The following SLC35F1 variants were observed in gnomAD, a reference collection of about 807,000 sequenced individuals.
The protein encoded by SLC35F1 is solute carrier family 35 member F1.
SLC35F1 carries 14 observed loss-of-function variants against 48.7 expected under a neutral mutation model. That is an observed-to-expected ratio of 0.29 (90% CI 0.19 to 0.45). The LOEUF (loss-of-function observed/expected upper bound fraction) is 0.45. SLC35F1 is among the 20% of genes least tolerant of loss of function. The pLI is 1.00. For missense variants in SLC35F1, 404 were observed against 500.0 expected, an observed-to-expected ratio of 0.81 and a Z score of 1.83; for synonymous variants, 190 against 202.2, an observed-to-expected ratio of 0.94 and a Z score of 0.51.
At chr6:118,041,615 T>G (rs9398479) in intron 1 of SLC35F1, among the ~76,000 whole-genome samples, 148,857 of 152,286 alleles carry the variant, frequency 0.98, 72,847 homozygotes, top group Middle Eastern at 1. Flanking sequence ...ATAAAGCAGG[T>G]TTTCTAATCA....
chr6:118,199,099 A>G (rs1774839799), intron 2 of SLC35F1, among the ~76,000 whole-genome samples: 1 of 152,176 alleles, frequency 6.6e-6, no homozygotes, highest in Admixed American at 6.5e-5. Flanking sequence ...TCTGAGTTTT[A>G]CACATCTGGG....
intron 2 of SLC35F1, among the ~76,000 whole-genome samples, chr6:118,170,791 A>G (rs1198760760): frequency 6.6e-6 from 1 of 152,154 alleles, no homozygotes; most frequent in Non-Finnish European, 1.5e-5. Flanking sequence ...TAAGACATGA[A>G]TATAAACAGT....
chr6:118,274,538 C>T (rs923978772), intron 4 of SLC35F1, among the ~76,000 whole-genome samples: 2 of 152,160 alleles, frequency 1.3e-5, no homozygotes, highest in Middle Eastern at 6.8e-3. Context: ...GCTGGGATTA[C>T]AGGCACCCGC....
chr6:118,001,610 T>G (rs1777096117), intron 1 of SLC35F1, among the ~76,000 whole-genome samples: 1 of 151,722 alleles, frequency 6.6e-6, no homozygotes, highest in African/African-American at 2.4e-5. Flanking sequence ...GGGATCTAAT[T>G]AAACTAAAGA....
chr6:118,034,797 A>T (rs541720492), intron 1 of SLC35F1, among the ~76,000 whole-genome samples: 12 of 152,024 alleles, frequency 7.9e-5, no homozygotes, highest in Admixed American at 3.3e-4. Context: ...TATTTCAGGG[A>T]TTCATAGTAA....
chr6:118,160,685 C>A (rs977638232), intron 2 of SLC35F1, among the ~76,000 whole-genome samples: 6 of 152,226 alleles, frequency 3.9e-5, no homozygotes, highest in African/African-American at 1.4e-4. Context: ...GGTATTCAAG[C>A]ACCTGTGCTC....
At chr6:118,084,980 AT>A (rs1199685176) in intron 1 of SLC35F1, among the ~76,000 whole-genome samples, 1 of 152,086 alleles carries the variant, frequency 6.6e-6, no homozygotes, top group African/African-American at 2.4e-5. Context: ...CTGATTAATT[AT>A]CCTTATTCTT....
At chr6:118,275,696 A>C in intron 5 of SLC35F1, 81 bp downstream of exon 5, 1 of 1,406,666 alleles carries the variant, frequency 7.1e-7, no homozygotes, top group East Asian at 2.4e-5. Context: ...TGGGATGTAA[A>C]AATCAAGGCT....
chr6:118,311,265 T>C (rs1776368651), intron 7 of SLC35F1, among the ~76,000 whole-genome samples: 1 of 152,244 alleles, frequency 6.6e-6, no homozygotes, highest in Non-Finnish European at 1.5e-5. Flanking sequence ...GCATTTTATG[T>C]AGTAGAAAGG....
At chr6:117,926,295 G>T (rs1776026776) in intron 1 of SLC35F1, among the ~76,000 whole-genome samples, 1 of 152,130 alleles carries the variant, frequency 6.6e-6, no homozygotes, top group East Asian at 1.9e-4. Flanking sequence ...CTCTCCTGCT[G>T]CCCTGTGAAG....
intron 2 of SLC35F1, among the ~76,000 whole-genome samples, chr6:118,225,915 A>T (rs1029038204): frequency 2.7e-5 from 4 of 149,896 alleles, no homozygotes; most frequent in Non-Finnish European, 4.4e-5. Flanking sequence ...GGAAACAATT[A>T]ACAAAGTGAA....
intron 1 of SLC35F1, among the ~76,000 whole-genome samples, chr6:117,964,313 G>C (rs2114837585): frequency 6.6e-6 from 1 of 152,188 alleles, no homozygotes; most frequent in Non-Finnish European, 1.5e-5. Flanking sequence ...AACCTTTCTG[G>C]TTGCTTTGAC....
chr6:117,915,122 A>G (rs2114796347), intron 1 of SLC35F1, among the ~76,000 whole-genome samples: 1 of 152,306 alleles, frequency 6.6e-6, no homozygotes, highest in East Asian at 1.9e-4. Flanking sequence ...TGCATTGCAG[A>G]TGGAGAGATT....
At chr6:117,963,703 G>C (rs1459263134) in intron 1 of SLC35F1, among the ~76,000 whole-genome samples, 1 of 151,976 alleles carries the variant, frequency 6.6e-6, no homozygotes, top group Non-Finnish European at 1.5e-5. Context: ...TCTTTCACTG[G>C]GGAACCTTGT....
intron 1 of SLC35F1, among the ~76,000 whole-genome samples, chr6:118,101,648 G>T (rs1773259508): frequency 6.6e-6 from 1 of 152,152 alleles, no homozygotes; most frequent in South Asian, 2.1e-4. Context: ...AATCTTCCAT[G>T]AAAATCTGCC....
chr6:118,238,426 A>AAATAATAATAAT lies in SLC35F1; in HGVS notation c.477+2812_477+2823dup, dbSNP rs67710305. Among the ~76,000 whole-genome samples the AAATAATAATAAT allele has an allele frequency of 8.3e-3, 1,192 of 144,464 alleles. 10 individuals are homozygous for AAATAATAATAAT. The highest frequency in any genetic ancestry group is 0.022 in the East Asian group (107 of 4,908). 94.8% of individuals were successfully genotyped at this position (144,464 alleles called of 152,430 possible). A position where few individuals can be genotyped will look rare whatever the true frequency, so the allele number is the denominator to read the frequency against. ...GTGATATAGCAAGATCCCATCTCTA[A>AAATAATAATAAT]AATAATAATAATAATAATAATAATA... On this transcript the variant is annotated intron_variant, in intron 3 of 7. Coordinates refer to ENST00000360388, the MANE Select transcript of SLC35F1 (RefSeq NM_001029858.4).
chr6:118,041,445 T>C (rs1383814188), intron 1 of SLC35F1, among the ~76,000 whole-genome samples: 2 of 152,180 alleles, frequency 1.3e-5, no homozygotes, highest in Non-Finnish European at 2.9e-5. Flanking sequence ...AACACTTCTG[T>C]CATTCAAATA....
intron 3 of SLC35F1, among the ~76,000 whole-genome samples, chr6:118,250,101 T>A (rs1775554736): frequency 6.6e-6 from 1 of 152,202 alleles, no homozygotes; most frequent in Non-Finnish European, 1.5e-5. Context: ...TGCCAGGCGA[T>A]GCAATGAGCA....
intron 2 of SLC35F1, among the ~76,000 whole-genome samples, chr6:118,210,259 A>G (rs1774985278): frequency 6.6e-6 from 1 of 152,180 alleles, no homozygotes; most frequent in Admixed American, 6.5e-5. Flanking sequence ...ATTTTTCAAC[A>G]ATTAAGAATT....
Sources: gnomAD v4.1 joint callset for allele counts (sites outside exome capture counted in the v4.1 genomes callset) on GRCh38, gnomAD v4.1.1 for gene constraint, MANE v1.5 for transcripts, NCBI Gene and HGNC (gene_info 2026-07-23, HGNC 2026-07-21) for gene names.